The following ERBB4 variants were observed in gnomAD, a reference collection of about 807,000 sequenced individuals.
ERBB4 encodes the protein receptor tyrosine-protein kinase erbB-4.
In ERBB4, 42 loss-of-function variants were observed where a neutral mutation model predicts 158.0. The ratio of observed to expected loss-of-function variants is 0.27; its 90% CI spans 0.21 to 0.34. The LOEUF (loss-of-function observed/expected upper bound fraction) is 0.34, where lower values mean the gene tolerates loss of function less well. Ranked by LOEUF, ERBB4 falls within the 10% of genes least tolerant of loss-of-function variation. The pLI is 1.00. For missense variants in ERBB4, 1,333 were observed against 1,624.1 expected (o/e 0.82, Z 3.08); for synonymous variants, 583 against 558.7 (o/e 1.04, Z -0.61).
chr2:212,414,182 C>T (rs2091584486), intron 1 of ERBB4, among the ~76,000 whole-genome samples: 1 of 152,158 alleles, frequency 6.6e-6, no homozygotes, highest in Admixed American at 6.5e-5. Flanking sequence ...TATTAAAAAT[C>T]TTTTAAATTT....
intron 1 of ERBB4, among the ~76,000 whole-genome samples, chr2:212,512,789 C>T (rs1202604565): frequency 6.6e-6 from 1 of 151,766 alleles, no homozygotes; most frequent in Non-Finnish European, 1.5e-5. Flanking sequence ...TATAAAATAC[C>T]ATCAATTATT....
At chr2:211,576,892 G>T (rs1254543153) in intron 19 of ERBB4, among the ~76,000 whole-genome samples, 1 of 152,034 alleles carries the variant, frequency 6.6e-6, no homozygotes, top group Non-Finnish European at 1.5e-5. Context: ...AATGTTAAAA[G>T]CAAAAAGATA....
intron 20 of ERBB4, among the ~76,000 whole-genome samples, chr2:211,478,641 A>C (rs543190795): frequency 4.5e-4 from 69 of 151,948 alleles, no homozygotes; most frequent in African/African-American, 1.3e-3. Flanking sequence ...ACACCACTTG[A>C]ATCTACTCAC....
At chr2:211,552,443 T>C (rs2067123623) in intron 20 of ERBB4, among the ~76,000 whole-genome samples, 1 of 152,112 alleles carries the variant, frequency 6.6e-6, no homozygotes, top group Admixed American at 6.5e-5. Flanking sequence ...GAAGTTTAAG[T>C]TGAGTATACA....
chr2:211,819,702 T>C (rs2076952867), intron 3 of ERBB4, among the ~76,000 whole-genome samples: 1 of 151,896 alleles, frequency 6.6e-6, no homozygotes, highest in Admixed American at 6.6e-5. Flanking sequence ...TGGTAAGTGG[T>C]ATGTTTTAAT....
chr2:212,191,658 A>C (rs367672095), intron 1 of ERBB4, among the ~76,000 whole-genome samples: 2 of 142,560 alleles, frequency 1.4e-5, no homozygotes, highest in East Asian at 4.0e-4. Context: ...CACATGCGTT[A>C]TACATGTCAT....
intron 2 of ERBB4, among the ~76,000 whole-genome samples, chr2:212,036,825 C>A (rs1026945798): frequency 3.3e-5 from 5 of 152,088 alleles, no homozygotes; most frequent in Admixed American, 2.6e-4. Flanking sequence ...TAAAAAAATA[C>A]TAACAACTAC....
chr2:211,588,799 C>T (rs1460293824), intron 19 of ERBB4, among the ~76,000 whole-genome samples: 3 of 152,022 alleles, frequency 2.0e-5, no homozygotes, highest in East Asian at 3.9e-4. Context: ...TAAATGTTAG[C>T]CATTAGGCAC....
intron 2 of ERBB4, among the ~76,000 whole-genome samples, chr2:211,993,019 T>C (rs1383055770): frequency 6.6e-6 from 1 of 152,228 alleles, no homozygotes; most frequent in Non-Finnish European, 1.5e-5. Context: ...GTAAATCTGA[T>C]AGCCCACAAC....
intron 12 of ERBB4, among the ~76,000 whole-genome samples, chr2:211,683,022 T>A (rs1288921020): frequency 1.3e-5 from 2 of 151,722 alleles, no homozygotes; most frequent in Non-Finnish European, 2.9e-5. Flanking sequence ...TCTATTTATG[T>A]TTTTCTGCAT....
At chr2:211,759,819 G>A (rs2075366140) in intron 4 of ERBB4, among the ~76,000 whole-genome samples, 1 of 86,276 alleles carries the variant, frequency 1.2e-5, no homozygotes, top group African/African-American at 3.6e-5. Flanking sequence ...GTGTGTGTGT[G>A]TGTGTGTGTG....
At chr2:212,163,031 A>C (rs1187327339) in intron 1 of ERBB4, among the ~76,000 whole-genome samples, 2 of 151,918 alleles carry the variant, frequency 1.3e-5, no homozygotes, top group African/African-American at 2.4e-5. Flanking sequence ...TCAATTTCAA[A>C]CTAGGTAATA....
At chr2:212,414,268 C>T (rs2091587365) in intron 1 of ERBB4, among the ~76,000 whole-genome samples, 1 of 152,112 alleles carries the variant, frequency 6.6e-6, no homozygotes, top group Non-Finnish European at 1.5e-5. Context: ...TAAAACTTCT[C>T]AATTGGCAGA....
At chr2:211,944,225 CAAAA>C (rs200200333) in intron 3 of ERBB4, among the ~76,000 whole-genome samples, 1 of 114,710 alleles carries the variant, frequency 8.7e-6, no homozygotes, top group Admixed American at 8.8e-5. Flanking sequence ...CACACACACA[CAAAA>C]AAAAAGAACA....
intron 20 of ERBB4, among the ~76,000 whole-genome samples, chr2:211,527,567 A>T (rs1268299654): frequency 1.3e-5 from 2 of 152,108 alleles, no homozygotes; most frequent in Non-Finnish European, 2.9e-5. Context: ...ATAACACTGT[A>T]ACTCTGTTGT....
intron 20 of ERBB4, among the ~76,000 whole-genome samples, chr2:211,559,747 T>C (rs1478805772): frequency 6.6e-6 from 1 of 152,222 alleles, no homozygotes; most frequent in Admixed American, 6.5e-5. Context: ...ACCAGGCTCG[T>C]ATCTGCATTG....
chr2:211,462,426 C>G (rs539360890), intron 20 of ERBB4, among the ~76,000 whole-genome samples: 2 of 152,070 alleles, frequency 1.3e-5, no homozygotes, highest in Admixed American at 1.3e-4. Context: ...AATGGAAATA[C>G]AAGTGAAAGT....
intron 3 of ERBB4, among the ~76,000 whole-genome samples, chr2:211,926,246 A>G (rs935362762): frequency 6.6e-6 from 1 of 152,174 alleles, no homozygotes; most frequent in Admixed American, 6.5e-5. Context: ...ATCCTCAGGA[A>G]GAAGAGAAAA....
chr2:211,709,254 C>CACACATATATATAT (rs1402744514), intron 9 of ERBB4, among the ~76,000 whole-genome samples: 2 of 101,550 alleles, frequency 2.0e-5, no homozygotes, highest in African/African-American at 7.9e-5. Flanking sequence ...TATATATACA[C>CACACATATATATAT]ATATATATAT....
Sources: gnomAD v4.1 joint callset for allele counts (sites outside exome capture counted in the v4.1 genomes callset) on GRCh38, gnomAD v4.1.1 for gene constraint, MANE v1.5 for transcripts, NCBI Gene and HGNC (gene_info 2026-07-23, HGNC 2026-07-21) for gene names.